Variants in SLC25A16 observed in about 807,000 individuals in gnomAD.
The protein encoded by SLC25A16 is mitochondrial coenzyme A transporter SLC25A16.
SLC25A16 carries 39 observed loss-of-function variants against 41.5 expected under a neutral mutation model. The ratio of observed to expected loss-of-function variants is 0.94; its 90% CI spans 0.73 to 1.23. The LOEUF is 1.23. Among genes scored for constraint, SLC25A16 ranks in the 50% most tolerant of loss-of-function variants. SLC25A16 has a pLI of 0.00. For missense variants in SLC25A16, 421 were observed against 426.9 expected (o/e 0.99, Z 0.12); for synonymous variants, 146 against 147.8 (o/e 0.99, Z 0.09).
At chr10:68,513,136 A>C (rs1307173191) in intron 2 of SLC25A16, among the ~76,000 whole-genome samples, 1 of 151,778 alleles carries the variant, frequency 6.6e-6, no homozygotes. Flanking sequence ...ACTTGAAGTC[A>C]TGAGTTGCAG....
rs895456316 is a variant in SLC25A16 at position 68,480,187 on chromosome 10, G to T, written c.*3245C>A. ...ATACCCACTGAGAGGTGGAAGAGAG[G>T]AACAATAAAGATCAAAAAAGAAATA... On this transcript the variant is annotated 3_prime_UTR_variant, in exon 9 of 9. Transcript: ENST00000609923. 6.6e-6 allele frequency: 1 copy of T among 151,942 alleles called. No individual in the cohort carries two copies. Among genetic ancestry groups the T allele is most frequent in the Non-Finnish European group, 1.5e-5 (1 of 67,998 alleles). 9.4% of individuals were successfully genotyped at this position (151,942 alleles called of 1,614,324 possible).
chr10:68,498,531 C>CA (rs542251080), intron 4 of SLC25A16, among the ~76,000 whole-genome samples: 4 of 150,358 alleles, frequency 2.7e-5, no homozygotes, highest in East Asian at 1.9e-4. Flanking sequence ...TCTGTCTCTA[C>CA]AAAAAAAAAT....
chr10:68,496,190 C>G (rs2052747946), intron 4 of SLC25A16, among the ~76,000 whole-genome samples: 1 of 152,170 alleles, frequency 6.6e-6, no homozygotes, highest in African/African-American at 2.4e-5. Flanking sequence ...GAAGCACAAT[C>G]AGAGAATTAC....
At position 68,488,589 on chromosome 10, in the gene SLC25A16, C is replaced by G; in HGVS notation, c.651G>C (p.Gly217=). ...CAAGAAGGGTAGGAGCATGGGAAAG[C>G]CCAACACTCTTCAAGGTACCAAAAG... ...FFTFGTLKSV[G]LSHAPTLLGR... is the part of the protein sequence containing the mutation. Residue 217 remains glycine (G), a synonymous_variant, in exon 7 of 9, where the codon GGG becomes GGC. Transcript: ENST00000609923. 1 of 1,612,534 alleles carries G rather than the reference C, an allele frequency of 6.2e-7. No homozygotes were observed. The highest frequency in any genetic ancestry group is 1.7e-5 in the Admixed American group (1 of 59,522).
Position 68,487,154 on chromosome 10 carries a change from C to G in SLC25A16, c.832G>C (p.Glu278Gln). The G allele has an allele frequency of 6.2e-7, 1 of 1,613,214 alleles. No homozygotes were observed. The highest frequency in any genetic ancestry group is 8.5e-7 in the Non-Finnish European group (1 of 1,179,494). Reference sequence around the variant, plus strand: ...ATATGATGAACTTACAGGCACTTTTCAAATTCCGGCAGAACAGTTCCTAAT... The same window carrying G: ...ATATGATGAACTTACAGGCACTTTTGAAATTCCGGCAGAACAGTTCCTAAT... Reference protein sequence around the residue: ...MQLGTVLPEFEKCLTMRDTMK... With the variant: ...MQLGTVLPEFQKCLTMRDTMK... The change falls in exon 8 of 9, where the codon GAA (glutamate) becomes CAA (glutamine). Residue 278 changes from glutamate (E) to glutamine (Q), a missense_variant. Coordinates refer to ENST00000609923, the MANE Select transcript of SLC25A16 (RefSeq NM_152707.4).
chr10:68,511,303 C>T, intron 2 of SLC25A16, among the ~76,000 whole-genome samples: 1 of 152,072 alleles, frequency 6.6e-6, no homozygotes, highest in South Asian at 2.1e-4. Flanking sequence ...TGAGGGGGCT[C>T]GTATATATTA....
intron 1 of SLC25A16, among the ~76,000 whole-genome samples, chr10:68,522,698 C>T (rs7100745): frequency 0.024 from 3,679 of 152,010 alleles, 155 homozygotes; most frequent in African/African-American, 0.084. Flanking sequence ...GCCTATAGTC[C>T]CAGCTACTCG....
At chr10:68,489,335 A>T (rs2052618528) in intron 6 of SLC25A16, among the ~76,000 whole-genome samples, 1 of 152,204 alleles carries the variant, frequency 6.6e-6, no homozygotes, top group African/African-American at 2.4e-5. Flanking sequence ...GCAAAAATTA[A>T]GAAGTGAAAA....
At chr10:68,524,855 C>T (rs1036722598) in intron 1 of SLC25A16, among the ~76,000 whole-genome samples, 10 of 150,934 alleles carry the variant, frequency 6.6e-5, no homozygotes, top group African/African-American at 2.2e-4. Flanking sequence ...CCAGCCTGGC[C>T]GACAGAGTGA....
chr10:68,519,599 T>C (rs948902590), intron 1 of SLC25A16, among the ~76,000 whole-genome samples: 5 of 151,914 alleles, frequency 3.3e-5, no homozygotes, highest in African/African-American at 1.2e-4. Flanking sequence ...ATCTTCTCAG[T>C]TGTGTATGAA....
chr10:68,520,812 CAAAAAA>C lies in SLC25A16; in HGVS notation c.131-3975_131-3970del, dbSNP rs563100705. Among the ~76,000 whole-genome samples, 585 of 79,720 alleles carry C rather than the reference CAAAAAA, an allele frequency of 7.3e-3. 10 individuals are homozygous for C. The highest frequency in any genetic ancestry group is 0.027 in the African/African-American group (564 of 20,814). The allele number at this position is 79,720 out of a possible 152,430, so 52.3% of individuals were successfully genotyped here. A position where few individuals can be genotyped will look rare whatever the true frequency, so the allele number is the denominator to read the frequency against. On this transcript the variant is annotated intron_variant, in intron 1 of 8. Coordinates refer to ENST00000609923, the MANE Select transcript of SLC25A16 (RefSeq NM_152707.4). ...GGGCAACAAGAGCAAAACTCTGTCT[CAAAAAA>C]AAAAAAAAAAAAATACAAAAATTAG...
chr10:68,478,009 C>T lies in SLC25A16; in HGVS notation c.*5423G>A, dbSNP rs1248427250. On this transcript the variant is annotated 3_prime_UTR_variant, in exon 9 of 9. Coordinates refer to ENST00000609923, the MANE Select transcript of SLC25A16 (RefSeq NM_152707.4). ...TCCACAAGCTGTAATTATTTTATTG[C>T]TTGGTATGTTTATTGACAAGTTCAA... 1 of 152,058 alleles carries T rather than the reference C, an allele frequency of 6.6e-6. No individual in the cohort carries two copies. Among genetic ancestry groups the T allele is most frequent in the African/African-American group, 2.4e-5 (1 of 41,402 alleles). The allele number at this position is 152,058 out of a possible 1,614,324, so 9.4% of individuals were successfully genotyped here.
rs1462571212 is a variant in SLC25A16 at position 68,501,256 on chromosome 10, A to G, written c.421+2376T>C. Among the ~76,000 whole-genome samples the G allele has an allele frequency of 2.0e-5, 3 of 152,164 alleles. No homozygotes were observed. In the East Asian group the frequency reaches 5.8e-4, roughly 29 times the overall value. On this transcript the variant is annotated intron_variant, in intron 4 of 8. Coordinates refer to ENST00000609923, the MANE Select transcript of SLC25A16 (RefSeq NM_152707.4). The stretch of plus-strand genomic sequence containing the variant: ...ACAGAGAGGGACTCCATCTCAAAAA[A>G]AAAAAGTGATATACAAAATAACACA...
intron 3 of SLC25A16, among the ~76,000 whole-genome samples, chr10:68,504,175 C>T (rs1030407275): frequency 6.6e-6 from 1 of 151,434 alleles, no homozygotes; most frequent in African/African-American, 2.4e-5. Context: ...TGCCATTACG[C>T]CCGGCTAATT....
intron 5 of SLC25A16, 100 bp downstream of exon 5, chr10:68,493,349 A>G (rs1260680615): frequency 1.4e-5 from 16 of 1,177,948 alleles, no homozygotes; most frequent in Non-Finnish European, 1.8e-5. Flanking sequence ...TATTAACATC[A>G]ATAATTATAA....
Position 68,506,703 on chromosome 10 carries a change from A to C in SLC25A16, c.239T>G (p.Leu80Trp). 6.3e-7 allele frequency: 1 copy of C among 1,577,664 alleles called. No individual in the cohort carries two copies. Among genetic ancestry groups the C allele is most frequent in the East Asian group, 2.3e-5 (1 of 43,408 alleles). ...TCCTTCTTTTTGAGGAACAGCACGC[A>C]ATGCAGAAAATACTCCTATTTTTAG... ...HYKHLGVFSA[L>W]RAVPQKEGFL... The change falls in exon 3 of 9, where the codon TTG becomes TGG. Residue 80 changes from leucine (L) to tryptophan (W), a missense_variant. Leu to Trp is a moderately conservative substitution (Grantham distance 61). Transcript: ENST00000609923.
At chr10:68,490,162 T>C (rs1029283238) in intron 6 of SLC25A16, among the ~76,000 whole-genome samples, 4 of 151,930 alleles carry the variant, frequency 2.6e-5, no homozygotes, top group South Asian at 2.1e-4. Flanking sequence ...CTCAGGCAGC[T>C]GACATGGGAG....
chr10:68,514,714 G>C (rs2053129942), intron 2 of SLC25A16, among the ~76,000 whole-genome samples: 1 of 151,924 alleles, frequency 6.6e-6, no homozygotes. Flanking sequence ...TAATCAAATG[G>C]CTGGTCTGTA....
rs764223193 is a variant in SLC25A16 at position 68,494,616 on chromosome 10, C to T, written c.422-1046G>A. Among the ~76,000 whole-genome samples the T allele has an allele frequency of 1.3e-4, 20 of 149,208 alleles. 1 individual carries two copies. The highest frequency in any genetic ancestry group is 2.1e-4 in the Non-Finnish European group (14 of 66,978). On this transcript the variant is annotated intron_variant, in intron 4 of 8. Coordinates refer to ENST00000609923, the MANE Select transcript of SLC25A16 (RefSeq NM_152707.4). ...ACTGTGGGAGCTAGGCATGCTCACGCCTGTAGTCCCAACACTTTGGGAGGC... is the reference window on the plus strand; with the variant it reads ...ACTGTGGGAGCTAGGCATGCTCACGTCTGTAGTCCCAACACTTTGGGAGGC...
Sources: gnomAD v4.1 joint callset for allele counts (sites outside exome capture counted in the v4.1 genomes callset) on GRCh38, gnomAD v4.1.1 for gene constraint, MANE v1.5 for transcripts, NCBI Gene and HGNC (gene_info 2026-07-23, HGNC 2026-07-21) for gene names.